The following EIF4E2 variants were observed in gnomAD, a reference collection of about 807,000 sequenced individuals.
EIF4E2 encodes eukaryotic translation initiation factor 4E family member 2, also known as eukaryotic translation initiation factor 4E type 2.
In EIF4E2, 13 loss-of-function variants were observed where a neutral mutation model predicts 34.2. The observed-to-expected ratio is 0.38, with a 90% CI of 0.25 to 0.60. The LOEUF is 0.60. Ranked by LOEUF, EIF4E2 falls within the 20% of genes least tolerant of loss-of-function variation. EIF4E2 has a pLI of 0.62. For synonymous variants in EIF4E2, 100 were observed against 106.6 expected (o/e 0.94, Z 0.38); for missense variants, 222 against 315.1 (o/e 0.70, Z 2.24).
In EIF4E2 at chr2:232,564,243, G is replaced by C. The variant is rs1004380527; in HGVS notation, c.271-4G>C. The C allele has an allele frequency of 1.3e-5, 20 of 1,582,468 alleles. No homozygotes were observed. The Admixed American group carries it at 1.8e-4, about 14-fold the overall frequency. On this transcript the variant is annotated splice_polypyrimidine_tract_variant and splice_region_variant and intron_variant, in intron 3 of 6. Coordinates refer to ENST00000258416, the MANE Select transcript of EIF4E2 (RefSeq NM_004846.4). ...TTTTTTACTCTGGGGTCTTCTCTCT[G>C]CAGGTGGAGCAGTTCTGGAGGTTTT...
intron 6 of EIF4E2, among the ~76,000 whole-genome samples, chr2:232,574,804 G>A (rs899545481): frequency 3.9e-5 from 6 of 152,156 alleles, no homozygotes; most frequent in Admixed American, 2.0e-4. Context: ...TAAATTCAGC[G>A]TTTCAGCAAT....
intron 1 of EIF4E2, chr2:232,551,357 C>T: frequency 2.2e-6 from 1 of 456,912 alleles, no homozygotes; most frequent in South Asian, 1.6e-5. Context: ...TACTTGTTGC[C>T]CTCTCCTGCC....
intron 6 of EIF4E2, among the ~76,000 whole-genome samples, chr2:232,576,041 TA>T (rs1693208971): frequency 6.6e-6 from 1 of 151,976 alleles, no homozygotes; most frequent in African/African-American, 2.4e-5. Flanking sequence ...CCGTCTCTAC[TA>T]AAAATACAAA....
chr2:232,580,344 G>A (rs975248587), intron 6 of EIF4E2, among the ~76,000 whole-genome samples: 4 of 151,616 alleles, frequency 2.6e-5, no homozygotes, highest in South Asian at 2.1e-4. Flanking sequence ...TAAAAAGAAA[G>A]GGGGGGAGAG....
intron 6 of EIF4E2, among the ~76,000 whole-genome samples, chr2:232,579,633 T>C (rs1326490561): frequency 1.3e-5 from 2 of 152,190 alleles, no homozygotes; most frequent in Non-Finnish European, 2.9e-5. Context: ...CCTTAGCACA[T>C]ATTTACTCTG....
At chr2:232,551,092 T>C (rs1692296427) in intron 1 of EIF4E2, 1 of 616,768 alleles carries the variant, frequency 1.6e-6, no homozygotes, top group African/African-American at 1.8e-5. Context: ...GTTTCCGCAG[T>C]CTGGCAGCGC....
In EIF4E2 at chr2:232,556,797, T is replaced by A. The variant is rs551540552; in HGVS notation, c.135+267T>A. Among the ~76,000 whole-genome samples the A allele has an allele frequency of 5.9e-5, 9 of 152,368 alleles. No homozygotes were observed. The East Asian group carries it at 1.7e-3, about 29-fold the overall frequency. The stretch of plus-strand genomic sequence containing the variant: ...GATTAGTCCTGGAGCTTAACAAGGC[T>A]GTTAGCTGCTTCATAAGCCACTGCT... On this transcript the variant is annotated intron_variant, in intron 2 of 6. Transcript: ENST00000258416.
At chr2:232,564,514 G>A (rs950506792) in intron 4 of EIF4E2, among the ~76,000 whole-genome samples, 163 bp downstream of exon 4, 5 of 152,168 alleles carry the variant, frequency 3.3e-5, no homozygotes, top group East Asian at 3.8e-4. Context: ...GCAGTGGCGC[G>A]ATCTCGGCTC....
chr2:232,578,913 T>G (rs1693280509), intron 6 of EIF4E2, among the ~76,000 whole-genome samples: 2 of 152,186 alleles, frequency 1.3e-5, no homozygotes, highest in African/African-American at 4.8e-5. Flanking sequence ...TTCTAGTTTC[T>G]TTTAATAAGA....
At chr2:232,562,050 C>CA (rs34306229) in intron 3 of EIF4E2, among the ~76,000 whole-genome samples, 46,219 of 151,420 alleles carry the variant, frequency 0.31, 7,597 homozygotes, top group Admixed American at 0.41. Flanking sequence ...TTCATCTCTA[C>CA]AAAAAAAGTA....
intron 6 of EIF4E2, among the ~76,000 whole-genome samples, chr2:232,580,696 T>C (rs1361462032): frequency 6.6e-6 from 1 of 152,222 alleles, no homozygotes; most frequent in East Asian, 1.9e-4. Context: ...TCTAATCTTT[T>C]GCTGTTGCAA....
chr2:232,565,947 C>T (rs985702466), intron 4 of EIF4E2, among the ~76,000 whole-genome samples: 2 of 151,846 alleles, frequency 1.3e-5, no homozygotes, highest in Non-Finnish European at 2.9e-5. Flanking sequence ...CAATAATTAG[C>T]CGGGTGTGGT....
At position 232,581,047 on chromosome 2, in the gene EIF4E2, C is replaced by G. The variant is rs1306289963; in HGVS notation, c.*104C>G. ...TCCATTGCTCACTGAAGGGACGTCC[C>G]TGAGCCGTGCGCTCTCCTTTTGCAC... On this transcript the variant is annotated 3_prime_UTR_variant, in exon 7 of 7. Coordinates refer to the EIF4E2 transcript ENST00000409098. This position sits in a 1 kb window ranked among gnomAD's most constrained non-coding sequence, Gnocchi z 5.2. The G allele has an allele frequency of 1.7e-5, 19 of 1,136,176 alleles. No individual in the cohort carries two copies. The highest frequency in any genetic ancestry group is 2.2e-5 in the Non-Finnish European group (17 of 769,052). The allele number at this position is 1,136,176 out of a possible 1,614,324, so 70.4% of individuals were successfully genotyped here.
rs1274329279 is a variant in EIF4E2, at chr2:232,566,336, A to G, written c.376-493A>G. On this transcript the variant is annotated intron_variant, in intron 4 of 6. Coordinates refer to ENST00000258416, the MANE Select transcript of EIF4E2 (RefSeq NM_004846.4). This position sits in a 1 kb window ranked among gnomAD's most constrained non-coding sequence, Gnocchi z 4.9. Reference sequence around the variant, plus strand: ...CGAGTAGCTGGGACTACAGGCGCCCACCACCATGCCCGGCTAATTTTGTTT... The same window carrying G: ...CGAGTAGCTGGGACTACAGGCGCCCGCCACCATGCCCGGCTAATTTTGTTT... Among the ~76,000 whole-genome samples the G allele has an allele frequency of 2.0e-5, 3 of 151,960 alleles. No homozygotes were observed. Among genetic ancestry groups the G allele is most frequent in the African/African-American group, 4.8e-5 (2 of 41,396 alleles).
chr2:232,562,150 G>C (rs1178091108), intron 3 of EIF4E2, among the ~76,000 whole-genome samples: 2 of 152,100 alleles, frequency 1.3e-5, no homozygotes, highest in Admixed American at 6.5e-5. Context: ...GGGAAGTCGA[G>C]GCTGCAGTGA....
chr2:232,572,971 G>T (rs1198366226), downstream of EIF4E2, among the ~76,000 whole-genome samples: 1 of 152,228 alleles, frequency 6.6e-6, no homozygotes, highest in Admixed American at 6.5e-5. Flanking sequence ...CTGGGTCATT[G>T]CCAAAGCATT....
rs6147227 is a variant in EIF4E2 at position 232,580,084 on chromosome 2, C to CCACACACACACA, written c.666-782_666-771dup. On this transcript the variant is annotated intron_variant, in intron 6 of 6. Coordinates refer to the EIF4E2 transcript ENST00000409098. The stretch of plus-strand genomic sequence containing the variant: ...CATATTGGGATCCCCCACATACATA[C>CCACACACACACA]CACACACACACACACACACACACAC... 1.3e-3 allele frequency among the ~76,000 whole-genome samples: 188 copies of CCACACACACACA among 145,264 alleles called. 1 individual carries two copies. Among genetic ancestry groups the CCACACACACACA allele is most frequent in the Admixed American group, 2.2e-3 (31 of 14,238 alleles).
chr2:232,567,458 G>T, intron 6 of EIF4E2: 1 of 1,303,142 alleles, frequency 7.7e-7, no homozygotes, highest in Non-Finnish European at 9.7e-7. Flanking sequence ...TGTACTACCT[G>T]GGCTTGCTTA....
chr2:232,570,549 A>G (rs901073884), downstream of EIF4E2, among the ~76,000 whole-genome samples: 4 of 152,230 alleles, frequency 2.6e-5, no homozygotes, highest in Admixed American at 6.5e-5. Flanking sequence ...CCTTGTCAAT[A>G]TGAACAAAAG....
Sources: gnomAD v4.1 joint callset for allele counts (sites outside exome capture counted in the v4.1 genomes callset) on GRCh38, gnomAD v4.1.1 for gene constraint, Gnocchi (gnomAD v3.1) non-coding constraint, MANE v1.5 for transcripts, NCBI Gene and HGNC (gene_info 2026-07-23, HGNC 2026-07-21) for gene names.